The following DPM1 variants were observed in gnomAD, a reference collection of about 807,000 sequenced individuals.
DPM1 encodes the protein dolichyl-phosphate mannosyltransferase subunit 1, catalytic.
In DPM1, 27 loss-of-function variants were observed where a neutral mutation model predicts 39.0. The observed-to-expected ratio is 0.69, with a 90% CI of 0.51 to 0.95. DPM1 has a LOEUF of 0.95. Ranked by LOEUF, DPM1 falls within the 40% of genes least tolerant of loss-of-function variation. The pLI, the probability that DPM1 is intolerant of heterozygous loss-of-function variation, is 0.00. For synonymous variants in DPM1, 124 were observed against 109.0 expected, an observed-to-expected ratio of 1.14 and a Z score of -0.86; for missense variants, 307 against 315.6, an observed-to-expected ratio of 0.97 and a Z score of 0.21.
rs1296815764 is a variant in DPM1, at chr20:50,958,371, G to T, written c.153C>A (p.Phe51Leu). 5 of 1,613,730 alleles carry T rather than the reference G, an allele frequency of 3.1e-6. No homozygotes were observed. The South Asian group carries it at 5.5e-5, about 18-fold the overall frequency. ...GAGACCTGGTGCGCTACCTCTCGGA[G>T]AAGCTTTTCACCAGCAGCCACACGA... ...PLIVWLLVKS[F>L]SESGINYEII... Residue 51 changes from phenylalanine (F) to leucine (L), a missense_variant, in exon 1 of 9, where the codon TTC becomes TTA. Coordinates refer to ENST00000371588, the MANE Select transcript of DPM1 (RefSeq NM_003859.3).
Position 50,936,169 on chromosome 20 carries a change from C to T in DPM1, c.657G>A (p.Gln219=), listed in dbSNP as rs1246733052. The T allele has an allele frequency of 3.1e-6, 5 of 1,613,250 alleles. No homozygotes were observed. Among genetic ancestry groups the T allele is most frequent in the African/African-American group, 1.3e-5 (1 of 75,030 alleles). The change falls in exon 8 of 9, where the codon CAG becomes CAA. Residue 219 remains glutamine, a synonymous_variant. Coordinates refer to ENST00000371588, the MANE Select transcript of DPM1 (RefSeq NM_003859.3). ...FQMEMIVRAR[Q]LNYTIGEVPI... ...ATACCTCGCCAATAGTATAATTCAA[C>T]TGTCTTGCCCGAACAATCATCTCCA...
At chr20:50,951,989 T>A (rs1001757882) in intron 2 of DPM1, among the ~76,000 whole-genome samples, 7 of 152,116 alleles carry the variant, frequency 4.6e-5, no homozygotes, top group Non-Finnish European at 7.4e-5. Context: ...CCTCTTCATA[T>A]CAATCTGATG....
chr20:50,946,190 A>AT (rs1349811556), intron 3 of DPM1, among the ~76,000 whole-genome samples: 1 of 152,240 alleles, frequency 6.6e-6, no homozygotes, highest in Non-Finnish European at 1.5e-5. Flanking sequence ...GAAATAGTTT[A>AT]TAAGTTCAAA....
At chr20:50,947,453 TCA>T (rs1157322415) in intron 3 of DPM1, among the ~76,000 whole-genome samples, 1 of 152,220 alleles carries the variant, frequency 6.6e-6, no homozygotes, top group Non-Finnish European at 1.5e-5. Context: ...TCTTCTGGGT[TCA>T]GATACTGAGA....
At chr20:50,950,030 A>T (rs1268793945) in intron 2 of DPM1, among the ~76,000 whole-genome samples, 1 of 152,064 alleles carries the variant, frequency 6.6e-6, no homozygotes, top group Non-Finnish European at 1.5e-5. Context: ...TGTTTTGTAG[A>T]TCTTTTGCTT....
chr20:50,936,633 A>C (rs2123063281), intron 7 of DPM1, among the ~76,000 whole-genome samples: 1 of 152,370 alleles, frequency 6.6e-6, no homozygotes, highest in East Asian at 1.9e-4. Context: ...ATATTGAACA[A>C]CAGGGTGGAC....
chr20:50,936,177 C>A lies in DPM1; in HGVS notation c.649G>T (p.Ala217Ser), dbSNP rs1197456861. Residue 217 changes from alanine (A) to serine (S), a missense_variant, in exon 8 of 9, where the codon GCA becomes TCA. Around this residue, in one of 3 missense-constraint regions of DPM1, gnomAD observed 70 missense variants for 69.4 expected, o/e 1.01. Coordinates refer to ENST00000371588, the MANE Select transcript of DPM1 (RefSeq NM_003859.3). ...YVFQMEMIVR[A>S]RQLNYTIGEV... ...CCAATAGTATAATTCAACTGTCTTG[C>A]CCGAACAATCATCTCCATCTGGAAG... 4.3e-6 allele frequency: 7 copies of A among 1,613,492 alleles called. No homozygotes were observed. Among genetic ancestry groups the A allele is most frequent in the Non-Finnish European group, 5.9e-6 (7 of 1,179,536 alleles).
At chr20:50,939,979 T>C (rs1206928379) in intron 7 of DPM1, among the ~76,000 whole-genome samples, 3 of 152,178 alleles carry the variant, frequency 2.0e-5, no homozygotes, top group Non-Finnish European at 4.4e-5. Flanking sequence ...CCTTAGGGTA[T>C]AGCCTCCCCT....
At chr20:50,957,594 T>C (rs1479058233) in intron 1 of DPM1, among the ~76,000 whole-genome samples, 1 of 152,212 alleles carries the variant, frequency 6.6e-6, no homozygotes, top group Non-Finnish European at 1.5e-5. Flanking sequence ...ATCCAGTTCA[T>C]TGCCATGACC....
At chr20:50,939,299 T>G (rs535923139) in intron 7 of DPM1, among the ~76,000 whole-genome samples, 1 of 152,340 alleles carries the variant, frequency 6.6e-6, no homozygotes, top group East Asian at 1.9e-4. Flanking sequence ...CTTCCCGCTG[T>G]ACAGAGATTT....
chr20:50,937,405 A>T (rs1229649226), intron 7 of DPM1, among the ~76,000 whole-genome samples: 3 of 152,082 alleles, frequency 2.0e-5, no homozygotes, highest in African/African-American at 7.2e-5. Context: ...GATGGTAGCA[A>T]TATTTATTCA....
chr20:50,944,107 A>G (rs988841692), intron 5 of DPM1, among the ~76,000 whole-genome samples: 1 of 152,264 alleles, frequency 6.6e-6, no homozygotes, highest in African/African-American at 2.4e-5. Flanking sequence ...CAAAAGGGTT[A>G]TAGCAACTTA....
chr20:50,946,015 C>A, intron 3 of DPM1, 92 bp from the exon 4 acceptor site: 4 of 1,059,752 alleles, frequency 3.8e-6, no homozygotes, highest in Non-Finnish European at 5.8e-6. Context: ...ACCTGAAGAG[C>A]ACACATTAGT....
rs755380657 is a variant in DPM1 at position 50,935,147 on chromosome 20, A to G, written c.768T>C (p.Leu256=). 3.8e-6 allele frequency: 6 copies of G among 1,586,224 alleles called. No individual in the cohort carries two copies. Among genetic ancestry groups the G allele is most frequent in the Admixed American group, 1.7e-5 (1 of 59,956 alleles). The change falls in exon 9 of 9, where the codon CTT becomes CTC. Residue 256 remains leucine (L), a synonymous_variant. Coordinates refer to ENST00000371588, the MANE Select transcript of DPM1 (RefSeq NM_003859.3). ...TATCTTTCTTTTATGTAGTAGCAAAAAGAGTCAATAATCCTTTCAAGAAAG... is the reference window on the plus strand; with the variant it reads ...TATCTTTCTTTTATGTAGTAGCAAAGAGAGTCAATAATCCTTTCAAGAAAG... The part of the protein sequence containing the change: ...IVSFLKGLLT[L]FATT
At chr20:50,939,366 TTTTTTTTTG>T (rs1985507174) in intron 7 of DPM1, among the ~76,000 whole-genome samples, 1 of 149,918 alleles carries the variant, frequency 6.7e-6, no homozygotes, top group Non-Finnish European at 1.5e-5. Flanking sequence ...ATCTTTTTTG[TTTTTTTTTG>T]TTTTTTTTTA....
intron 2 of DPM1, among the ~76,000 whole-genome samples, chr20:50,951,320 G>A (rs1307367308): frequency 3.3e-5 from 5 of 152,150 alleles, no homozygotes; most frequent in African/African-American, 7.2e-5. Flanking sequence ...ACAAAAGATC[G>A]CCAAGACAGA....
intron 1 of DPM1, among the ~76,000 whole-genome samples, chr20:50,957,769 G>A (rs886200141): frequency 6.6e-6 from 1 of 152,130 alleles, no homozygotes; most frequent in Admixed American, 6.5e-5. Flanking sequence ...AGGATTTTTT[G>A]CAGTTTTTAA....
Position 50,955,278 on chromosome 20 carries a change from T to G in DPM1, c.169A>C (p.Asn57His), listed in dbSNP as rs543099435. The G allele has an allele frequency of 1.9e-6, 3 of 1,610,796 alleles. No individual in the cohort carries two copies. Among genetic ancestry groups the G allele is most frequent in the Non-Finnish European group, 2.5e-6 (3 of 1,177,926 alleles). The change falls in exon 2 of 9, where the codon AAC (asparagine) becomes CAC (histidine). Residue 57 changes from asparagine (N) to histidine (H), a missense_variant. Coordinates refer to ENST00000371588, the MANE Select transcript of DPM1 (RefSeq NM_003859.3). Reference sequence around the variant, plus strand: ...TCATCTATGATTATAATTTCATAGTTGATTCCACTAAAAAAATTAAATTTG... The same window carrying G: ...TCATCTATGATTATAATTTCATAGTGGATTCCACTAAAAAAATTAAATTTG... ...LVKSFSESGINYEIIIIDDGS... is the reference protein window; with the variant it reads ...LVKSFSESGIHYEIIIIDDGS...
intron 5 of DPM1, among the ~76,000 whole-genome samples, chr20:50,942,931 AC>A (rs1185858946): frequency 6.6e-6 from 1 of 152,162 alleles, no homozygotes; most frequent in African/African-American, 2.4e-5. Flanking sequence ...TAATCCCAGC[AC>A]TTTGGGAGGC....
Sources: gnomAD v4.1 joint callset for allele counts (sites outside exome capture counted in the v4.1 genomes callset) on GRCh38, gnomAD v4.1.1 for gene constraint, gnomAD v4.1.1 regional missense constraint, MANE v1.5 for transcripts, NCBI Gene and HGNC (gene_info 2026-07-23, HGNC 2026-07-21) for gene names.